GALNS: variants seen among roughly 807,000 people sequenced by gnomAD.
GALNS encodes the protein N-acetylgalactosamine-6-sulfatase.
In GALNS, 65 loss-of-function variants were observed where a neutral mutation model predicts 65.9. The observed-to-expected ratio is 0.99, with a 90% confidence interval of 0.81 to 1.21. GALNS has a LOEUF of 1.21. Among genes scored for constraint, GALNS ranks in the 50% most tolerant of loss-of-function variants. The pLI, the probability that GALNS is intolerant of heterozygous loss-of-function variation, is 0.00. For missense variants in GALNS, 776 were observed against 700.7 expected, an observed-to-expected ratio of 1.11 and a Z score of -1.21; for synonymous variants, 346 against 288.9, an observed-to-expected ratio of 1.20 and a Z score of -2.00.
intron 1 of GALNS, chr16:88,855,334 C>T (rs1005180704): frequency 1.4e-6 from 1 of 700,318 alleles, no homozygotes; most frequent in Non-Finnish European, 2.6e-6. Flanking sequence ...AGGAGTTACA[C>T]AATGAAAAGA....
intron 13 of GALNS, 110 bp downstream of exon 13, chr16:88,817,897 C>T (rs972366915): frequency 6.8e-5 from 64 of 940,854 alleles, no homozygotes; most frequent in Non-Finnish European, 9.7e-5. Context: ...CTGACGGAGG[C>T]GGGGAAGCAC....
rs572608134 is a variant in GALNS, at chr16:88,846,732, G to A, written c.121-3903C>T. On this transcript the variant is annotated intron_variant, in intron 1 of 13. Transcript: ENST00000268695. ...TAGTTTTTGTATTTTTAGTAGAGAC[G>A]GGGTTTCGCCATGTTGGCCAGGCTG... is the stretch of plus-strand genomic sequence containing the variant. Among the ~76,000 whole-genome samples, 171 of 152,082 alleles carry A rather than the reference G, an allele frequency of 1.1e-3. 1 individual carries two copies. Among genetic ancestry groups the A allele is most frequent in the South Asian group, 5.8e-3 (28 of 4,814 alleles).
Position 88,814,170 on chromosome 16 carries a change from G to A in GALNS, c.*269C>T. On this transcript the variant is annotated 3_prime_UTR_variant, in exon 14 of 14. Coordinates refer to ENST00000268695, the MANE Select transcript of GALNS (RefSeq NM_000512.5). ...GTCTCAGATATTTGGGGTTCACAAA[G>A]GCGTGAGACGGCAGGGTCCTGAGGT... 1 of 557,822 alleles carries A rather than the reference G, an allele frequency of 1.8e-6. No homozygotes were observed. The highest frequency in any genetic ancestry group is 3.1e-5 in the East Asian group (1 of 32,504). 34.6% of individuals were successfully genotyped at this position (557,822 alleles called of 1,614,324 possible). A position where few individuals can be genotyped will look rare whatever the true frequency, so the allele number is the denominator to read the frequency against.
intron 13 of GALNS, among the ~76,000 whole-genome samples, chr16:88,817,620 G>A (rs1414013344): frequency 6.6e-6 from 1 of 152,218 alleles, no homozygotes; most frequent in Non-Finnish European, 1.5e-5. Flanking sequence ...CAGGGCCCCT[G>A]CAAGGAGAAG....
At chr16:88,856,356 G>C in intron 1 of GALNS, 3 of 702,016 alleles carry the variant, frequency 4.3e-6, no homozygotes, top group East Asian at 2.7e-5. Context: ...TCCTCCCTTT[G>C]GGGAGGCCAC....
intron 11 of GALNS, among the ~76,000 whole-genome samples, chr16:88,824,500 A>C (rs1910596355): frequency 6.6e-6 from 1 of 151,964 alleles, no homozygotes; most frequent in Non-Finnish European, 1.5e-5. Context: ...GGGCCACCTG[A>C]CCAGGGTCTA....
Position 88,856,749 on chromosome 16 carries a change from C to A in GALNS, c.120+9G>T. 2.0e-6 allele frequency: 3 copies of A among 1,512,154 alleles called. No individual in the cohort carries two copies. The highest frequency in any genetic ancestry group is 2.6e-6 in the Non-Finnish European group (3 of 1,133,280). 93.7% of individuals were successfully genotyped at this position (1,512,154 alleles called of 1,614,324 possible). On this transcript the variant is annotated intron_variant, in intron 1 of 13. Coordinates refer to ENST00000268695, the MANE Select transcript of GALNS (RefSeq NM_000512.5). ...CCCGGCCCTGCCCCGTCCCACCGCC[C>A]GCACTCACGTCGTCCATGAGCAGGA...
At chr16:88,843,581 C>T (rs189452876) in intron 1 of GALNS, 6 of 217,986 alleles carry the variant, frequency 2.8e-5, no homozygotes, top group East Asian at 1.1e-4. Flanking sequence ...CCCTTAGAGA[C>T]GCAGACATGC....
At chr16:88,849,717 C>G (rs1967419158) in intron 1 of GALNS, among the ~76,000 whole-genome samples, 2 of 152,198 alleles carry the variant, frequency 1.3e-5, no homozygotes, top group African/African-American at 4.8e-5. Flanking sequence ...AGCCACCACG[C>G]CCAGCCCTGA....
intron 8 of GALNS, among the ~76,000 whole-genome samples, chr16:88,834,281 T>C (rs1295536829): frequency 6.6e-6 from 1 of 151,874 alleles, no homozygotes; most frequent in Non-Finnish European, 1.5e-5. Context: ...CACTGGGCTG[T>C]AGGCGCCCCC....
At position 88,835,220 on chromosome 16, in the gene GALNS, G is replaced by A. The variant is rs200832928; in HGVS notation, c.891C>T (p.Pro297=). The A allele has an allele frequency of 1.1e-5, 17 of 1,585,866 alleles. No homozygotes were observed. The highest frequency in any genetic ancestry group is 8.0e-5 in the African/African-American group (6 of 74,688). Residue 297 remains proline (P), a synonymous_variant, in exon 8 of 14, where the codon CCC becomes CCT. Coordinates refer to ENST00000268695, the MANE Select transcript of GALNS (RefSeq NM_000512.5). ...GTGACAGCGAGCACTCACCTTGTTC[G>A]GGGGCGGAAATGAGGGCAGCGCCGT... The part of the protein sequence containing the change: ...SDNGAALISA[P]EQGGSNGPFL...
chr16:88,818,400 CATCCT>C (rs201037326), intron 12 of GALNS, among the ~76,000 whole-genome samples: 1 of 152,212 alleles, frequency 6.6e-6, no homozygotes, highest in Non-Finnish European at 1.5e-5. Flanking sequence ...AGAGCCGTCC[CATCCT>C]GTCCCTGCCT....
chr16:88,854,268 C>G (rs9936786), intron 1 of GALNS, among the ~76,000 whole-genome samples: 49,492 of 151,976 alleles, frequency 0.33, 9,947 homozygotes, highest in African/African-American at 0.56. Context: ...GCAGAAACAA[C>G]CGGTCTGCAG....
Position 88,841,004 on chromosome 16 carries a change from A to C in GALNS, c.410T>G (p.Ile137Ser), listed in dbSNP as rs768206885. ...CCAGGAGACTTACCACTTGCCGACA[A>C]TCTTGCTGACGTAGCCGGCCTTCTT... is the stretch of plus-strand genomic sequence containing the variant. ...LLKKAGYVSK[I>S]VGKWHLGHRP... Residue 137 changes from isoleucine (I) to serine (S), a missense_variant, in exon 4 of 14, where the codon ATT (isoleucine) becomes AGT (serine). Ile to Ser is a moderately radical substitution (Grantham distance 142). Coordinates refer to ENST00000268695, the MANE Select transcript of GALNS (RefSeq NM_000512.5). 6.2e-7 allele frequency: 1 copy of C among 1,613,132 alleles called. No individual in the cohort carries two copies. The highest frequency in any genetic ancestry group is 1.1e-5 in the South Asian group (1 of 91,082).
At chr16:88,836,567 T>C (rs1162948321) in intron 5 of GALNS, among the ~76,000 whole-genome samples, 4 of 151,984 alleles carry the variant, frequency 2.6e-5, no homozygotes, top group Non-Finnish European at 5.9e-5. Flanking sequence ...GGCAGGAGAA[T>C]TGCTTGAACC....
At chr16:88,833,732 G>A (rs190396734) in intron 8 of GALNS, among the ~76,000 whole-genome samples, 1 of 152,118 alleles carries the variant, frequency 6.6e-6, no homozygotes, top group Non-Finnish European at 1.5e-5. Flanking sequence ...TTACAGGTGT[G>A]AGCCACCACG....
rs1967945316 is a variant in GALNS at position 88,856,849 on chromosome 16, C to A, written c.29G>T (p.Trp10Leu). 5.3e-6 allele frequency: 8 copies of A among 1,514,022 alleles called. No individual in the cohort carries two copies. Among genetic ancestry groups the A allele is most frequent in the Non-Finnish European group, 7.0e-6 (8 of 1,140,128 alleles). The allele number at this position is 1,514,022 out of a possible 1,614,324, so 93.8% of individuals were successfully genotyped here. A position where few individuals can be genotyped will look rare whatever the true frequency, so the allele number is the denominator to read the frequency against. Residue 10 changes from tryptophan to leucine, a missense_variant, in exon 1 of 14, where the codon TGG (tryptophan) becomes TTG (leucine). Trp to Leu is a moderately conservative substitution (Grantham distance 61). Transcript: ENST00000268695. Reference protein sequence around the residue: MAAVVAATRWWQLLLVLSAA... With the variant: MAAVVAATRLWQLLLVLSAA... ...GCTGAGCACCAGCAACAGCTGCCAC[C>A]ACCTCGTCGCCGCGACAACCGCCGC...
At chr16:88,851,333 G>A (rs774615660) in intron 1 of GALNS, among the ~76,000 whole-genome samples, 3 of 152,160 alleles carry the variant, frequency 2.0e-5, no homozygotes, top group Non-Finnish European at 4.4e-5. Flanking sequence ...GGGTCTCACA[G>A]ACAGACACTG....
chr16:88,850,526 G>A (rs11076727), intron 1 of GALNS, among the ~76,000 whole-genome samples: 1 of 151,720 alleles, frequency 6.6e-6, no homozygotes, highest in African/African-American at 2.4e-5. Flanking sequence ...CTTGAGGGAG[G>A]GGGCTCCACG....
Sources: gnomAD v4.1 joint callset for allele counts (sites outside exome capture counted in the v4.1 genomes callset) on GRCh38, gnomAD v4.1.1 for gene constraint, MANE v1.5 for transcripts, NCBI Gene and HGNC (gene_info 2026-07-23, HGNC 2026-07-21) for gene names.